Variants in SH3D21 observed in about 807,000 individuals in gnomAD.
SH3D21 encodes the protein manchette microtubule inner protein 1.
In SH3D21, 83 loss-of-function variants were observed where a neutral mutation model predicts 82.1. The observed-to-expected ratio is 1.01, with a 90% CI of 0.85 to 1.21. The LOEUF (loss-of-function observed/expected upper bound fraction) is 1.21, where lower values mean the gene tolerates loss of function less well. Among genes scored for constraint, SH3D21 ranks in the 50% most tolerant of loss-of-function variants. The pLI is 0.00. For synonymous variants in SH3D21, 383 were observed against 387.8 expected, an observed-to-expected ratio of 0.99 and a Z score of 0.15; for missense variants, 980 against 962.1, an observed-to-expected ratio of 1.02 and a Z score of -0.25.
chr1:36,320,511 G>A lies in SH3D21; in HGVS notation c.1848G>A (p.Val616=). ...PNEQRPLREE[V]LPKEGVASKE... ...AGCAGAGGCCTCTGAGAGAGGAGGT[G>A]CTCCCCAAAGAGGGAGTGGCTTCCA... The change falls in exon 14 of 16, where the codon GTG becomes GTA. Residue 616 remains valine, a synonymous_variant. Transcript: ENST00000453908. The A allele has an allele frequency of 6.2e-7, 1 of 1,614,168 alleles. No homozygotes were observed. The highest frequency in any genetic ancestry group is 8.5e-7 in the Non-Finnish European group (1 of 1,180,026).
downstream of SH3D21, chr1:36,321,469 G>A (rs1020437977): frequency 7.1e-6 from 7 of 986,520 alleles, no homozygotes; most frequent in South Asian, 6.7e-5. This position sits in a 1 kb window ranked among gnomAD's most constrained non-coding sequence, Gnocchi z 6.1. Flanking sequence ...GCGGGGTCGG[G>A]CTCTTGACGC....
In SH3D21 at chr1:36,307,580, G is replaced by T; in HGVS notation, c.409G>T (p.Val137Leu). 3.2e-6 allele frequency: 5 copies of T among 1,551,624 alleles called. No homozygotes were observed. The highest frequency in any genetic ancestry group is 4.4e-6 in the Non-Finnish European group (5 of 1,146,966). Residue 137 changes from valine to leucine, a missense_variant, in exon 5 of 16, where the codon GTG (valine) becomes TTG (leucine). By Grantham distance (32) the Val-to-Leu change is conservative. Transcript: ENST00000453908. The surrounding 1 kb of genome is among the most constrained non-coding windows in gnomAD (Gnocchi z 5.4). ...GCTGGGAGCCTTCCCATCCAACTTT[G>T]TGGAATTGCTGGACAGTGGGCCCCC... The part of the protein sequence containing the change: ...GQLGAFPSNF[V>L]ELLDSGPPSL...
At chr1:36,324,047 C>T (rs1441424663), downstream of SH3D21, 3 of 152,402 alleles carry the variant, frequency 2.0e-5, no homozygotes, top group East Asian at 3.9e-4. Context: ...CCACCGCTCC[C>T]CCTCCTAGGA....
chr1:36,309,231 C>T (rs1294761731), intron 9 of SH3D21, among the ~76,000 whole-genome samples: 1 of 149,686 alleles, frequency 6.7e-6, no homozygotes, highest in East Asian at 1.9e-4. Context: ...GAGTCTCGCT[C>T]TATTGCACAG....
rs1167425651 is a variant in SH3D21 at position 36,306,536 on chromosome 1, C to A, written c.5-62C>A. On this transcript the variant is annotated intron_variant, in intron 1 of 15. Transcript: ENST00000453908. This position sits in a 1 kb window ranked among gnomAD's most constrained non-coding sequence, Gnocchi z 4.5. ...TACGGTGCTTGGGGACACGCCCGCCCTAGCCAGGCTGCCCGGCTGGGCCTT... is the reference window on the plus strand; with the variant it reads ...TACGGTGCTTGGGGACACGCCCGCCATAGCCAGGCTGCCCGGCTGGGCCTT... The A allele has an allele frequency of 8.4e-6, 11 of 1,302,920 alleles. No individual in the cohort carries two copies. Among genetic ancestry groups the A allele is most frequent in the Admixed American group, 2.3e-5 (1 of 43,456 alleles). 80.7% of individuals were successfully genotyped at this position (1,302,920 alleles called of 1,614,324 possible). A position where few individuals can be genotyped will look rare whatever the true frequency, so the allele number is the denominator to read the frequency against.
At position 36,307,982 on chromosome 1, in the gene SH3D21, G is replaced by T. The variant is rs1482404578; in HGVS notation, c.538+19G>T. 1.9e-6 allele frequency: 3 copies of T among 1,551,576 alleles called. No individual in the cohort carries two copies. The highest frequency in any genetic ancestry group is 2.4e-5 in the East Asian group (1 of 40,912). ...CAGACAGGTGAGCACCCATCCAAAG[G>T]GTCCCCCACTCCCTCAGCCACTCCC... is the stretch of plus-strand genomic sequence containing the variant. On this transcript the variant is annotated intron_variant, in intron 7 of 15. Coordinates refer to ENST00000453908, the MANE Select transcript of SH3D21 (RefSeq NM_001162530.2). This position sits in a 1 kb window ranked among gnomAD's most constrained non-coding sequence, Gnocchi z 5.4.
Position 36,320,653 on chromosome 1 carries a change from C to T in SH3D21, c.1990C>T (p.Pro664Ser), listed in dbSNP as rs745599399. 1.2e-6 allele frequency: 2 copies of T among 1,614,274 alleles called. No homozygotes were observed. Among genetic ancestry groups the T allele is most frequent in the Non-Finnish European group, 1.7e-6 (2 of 1,180,048 alleles). The part of the protein sequence containing the change: ...AQKTRPIKPP[P>S]DSQETLALPS... Reference sequence around the variant, plus strand: ...AAAAACACGTCCTATCAAGCCGCCTCCAGACTCCCAAGAGACGCTCGCGCT... The same window carrying T: ...AAAAACACGTCCTATCAAGCCGCCTTCAGACTCCCAAGAGACGCTCGCGCT... Residue 664 changes from proline (P) to serine (S), a missense_variant, in exon 14 of 16, where the codon CCA (proline) becomes TCA (serine). Physicochemically the swap from Pro to Ser is moderately conservative, Grantham distance 74 (BLOSUM62 -1). Coordinates refer to ENST00000453908, the MANE Select transcript of SH3D21 (RefSeq NM_001162530.2).
intron 8 of SH3D21, 80 bp downstream of exon 8, chr1:36,308,289 TAA>T: frequency 1.4e-6 from 2 of 1,479,940 alleles, no homozygotes; most frequent in Non-Finnish European, 1.8e-6. Flanking sequence ...CCCCTGAATC[TAA>T]AATAAACGTT....
At chr1:36,321,393 C>T, downstream of SH3D21, 3 of 466,534 alleles carry the variant, frequency 6.4e-6, no homozygotes, top group South Asian at 5.3e-5. This position sits in a 1 kb window ranked among gnomAD's most constrained non-coding sequence, Gnocchi z 6.1. Context: ...TGGTGAGGGG[C>T]GGGGGAGGGT....
At chr1:36,326,182 G>A (rs932860371), downstream of SH3D21, among the ~76,000 whole-genome samples, 1 of 152,054 alleles carries the variant, frequency 6.6e-6, no homozygotes, top group Non-Finnish European at 1.5e-5. Flanking sequence ...GGCAGGGGCT[G>A]CCCGTGCAGG....
In SH3D21 at chr1:36,319,757, C is replaced by A. The variant is rs539791282; in HGVS notation, c.1094C>A (p.Pro365His). ...GACAAGACTGCCACCCCAGAGAGGC[C>A]CCCAGCTCCAGAGAACGCCCCCAGC... Reference protein sequence around the residue: ...MPDKTATPERPPAPENAPSSK... With the variant: ...MPDKTATPERHPAPENAPSSK... The change falls in exon 14 of 16, where the codon CCC becomes CAC. Residue 365 changes from proline to histidine, a missense_variant. Transcript: ENST00000453908. The A allele has an allele frequency of 2.1e-5, 33 of 1,607,176 alleles. No homozygotes were observed. The Admixed American group carries it at 2.4e-4, about 12-fold the overall frequency.
At position 36,307,049 on chromosome 1, in the gene SH3D21, A is replaced by G. The variant is rs915638187; in HGVS notation, c.227-118A>G. On this transcript the variant is annotated intron_variant, in intron 3 of 15. Transcript: ENST00000453908. The surrounding 1 kb of genome is among the most constrained non-coding windows in gnomAD (Gnocchi z 5.4). ...GGTCTGTGATTGGTTCTCGAGTGCA[A>G]TGCTCCGCCCTGGGGCGGGGCTGGA... The G allele has an allele frequency of 3.7e-5, 55 of 1,473,812 alleles. No individual in the cohort carries two copies. Among genetic ancestry groups the G allele is most frequent in the Non-Finnish European group, 4.4e-5 (49 of 1,108,488 alleles). 91.3% of individuals were successfully genotyped at this position (1,473,812 alleles called of 1,614,324 possible). A position where few individuals can be genotyped will look rare whatever the true frequency, so the allele number is the denominator to read the frequency against.
chr1:36,321,438 T>A, downstream of SH3D21: 1 of 1,177,996 alleles, frequency 8.5e-7, no homozygotes, highest in Non-Finnish European at 1.1e-6. This position sits in a 1 kb window ranked among gnomAD's most constrained non-coding sequence, Gnocchi z 6.1. Flanking sequence ...ACTGGAGAAA[T>A]GGCGGGCAGG....
chr1:36,307,904 C>T lies in SH3D21; in HGVS notation c.493-14C>T. On this transcript the variant is annotated splice_polypyrimidine_tract_variant and intron_variant, in intron 6 of 15. Coordinates refer to ENST00000453908, the MANE Select transcript of SH3D21 (RefSeq NM_001162530.2). The surrounding 1 kb of genome is among the most constrained non-coding windows in gnomAD (Gnocchi z 5.4). ...GAGGCTCATCTAGTTCCTCCCTGCC[C>T]CTTCCCCCACTAGCTGAGCAGCCTG... The T allele has an allele frequency of 2.6e-6, 4 of 1,551,700 alleles. No individual in the cohort carries two copies. The highest frequency in any genetic ancestry group is 3.5e-6 in the Non-Finnish European group (4 of 1,146,986).
chr1:36,323,904 A>G (rs553692940), downstream of SH3D21: 1 of 152,238 alleles, frequency 6.6e-6, no homozygotes, highest in Non-Finnish European at 1.5e-5. Flanking sequence ...CCGCCTGACA[A>G]CCCTGCGACG....
chr1:36,319,687 A>G lies in SH3D21; in HGVS notation c.1024A>G (p.Ser342Gly). ...RSVSSQEEEH[S>G]SPVKAPSVKR... ...CCCATCACGGCAGGAGGAAGAGCACAGCAGCCCGGTAAAGGCCCCCTCTGT... is the reference window on the plus strand; with the variant it reads ...CCCATCACGGCAGGAGGAAGAGCACGGCAGCCCGGTAAAGGCCCCCTCTGT... The change falls in exon 14 of 16, where the codon AGC becomes GGC. Residue 342 changes from serine (S) to glycine (G), a missense_variant. By Grantham distance (56) the Ser-to-Gly change is moderately conservative. Coordinates refer to ENST00000453908, the MANE Select transcript of SH3D21 (RefSeq NM_001162530.2). 1.3e-6 allele frequency: 2 copies of G among 1,588,818 alleles called. No homozygotes were observed. The highest frequency in any genetic ancestry group is 2.3e-5 in the South Asian group (2 of 86,890).
chr1:36,308,643 A>G (rs1478757165), intron 9 of SH3D21, among the ~76,000 whole-genome samples, 168 bp downstream of exon 9: 1 of 152,126 alleles, frequency 6.6e-6, no homozygotes, highest in African/African-American at 2.4e-5. Flanking sequence ...CGCTTATCCA[A>G]AAGGCTTGGG....
In SH3D21 at chr1:36,320,660, C is replaced by T. The variant is rs373899278; in HGVS notation, c.1997C>T (p.Ser666Phe). 1.2e-6 allele frequency: 2 copies of T among 1,614,150 alleles called. No homozygotes were observed. Among genetic ancestry groups the T allele is most frequent in the Non-Finnish European group, 1.7e-6 (2 of 1,180,060 alleles). The change falls in exon 14 of 16, where the codon TCC (serine) becomes TTC (phenylalanine). Residue 666 changes from serine (S) to phenylalanine (F), a missense_variant. Ser to Phe is a radical substitution (Grantham distance 155). Coordinates refer to ENST00000453908, the MANE Select transcript of SH3D21 (RefSeq NM_001162530.2). Reference protein sequence around the residue: ...KTRPIKPPPDSQETLALPSLV... With the variant: ...KTRPIKPPPDFQETLALPSLV... ...CGTCCTATCAAGCCGCCTCCAGACTCCCAAGAGACGCTCGCGCTCCCCTCG... is the reference window on the plus strand; with the variant it reads ...CGTCCTATCAAGCCGCCTCCAGACTTCCAAGAGACGCTCGCGCTCCCCTCG...
chr1:36,313,972 C>CT (rs767624105), intron 10 of SH3D21, among the ~76,000 whole-genome samples: 540 of 36,814 alleles, frequency 0.015, 189 homozygotes, highest in East Asian at 0.065. Context: ...AACATATTTT[C>CT]TTTTTTTTTT....
Sources: allele counts gnomAD v4.1 joint callset (sites outside exome capture counted in the v4.1 genomes callset), GRCh38; gene constraint gnomAD v4.1.1; non-coding constraint Gnocchi (gnomAD v3.1); transcripts MANE v1.5; gene names NCBI Gene and HGNC (gene_info 2026-07-23, HGNC 2026-07-21).